Variants in SLC4A4 observed in about 807,000 individuals in gnomAD.
SLC4A4 encodes the protein solute carrier family 4 member 4.
SLC4A4 carries 27 observed loss-of-function variants against 111.5 expected under a neutral mutation model. The observed-to-expected ratio is 0.24, with a 90% confidence interval of 0.18 to 0.33. The LOEUF (loss-of-function observed/expected upper bound fraction) is 0.33, where lower values mean the gene tolerates loss of function less well. Among genes scored for constraint, SLC4A4 ranks in the 10% least tolerant of loss-of-function variants. SLC4A4 has a pLI of 1.00. For missense variants in SLC4A4, 909 were observed against 1,315.5 expected (o/e 0.69, Z 4.78); for synonymous variants, 443 against 463.4 (o/e 0.96, Z 0.57).
intron 16 of SLC4A4, among the ~76,000 whole-genome samples, chr4:71,507,577 A>C (rs946728211): frequency 1.3e-5 from 2 of 152,220 alleles, no homozygotes; most frequent in African/African-American, 4.8e-5. Context: ...ATAAGGGAGC[A>C]CCAAGATTTA....
At chr4:71,288,901 TG>T (rs943491624) in intron 3 of SLC4A4, among the ~76,000 whole-genome samples, 1 of 152,228 alleles carries the variant, frequency 6.6e-6, no homozygotes, top group African/African-American at 2.4e-5. Flanking sequence ...TTCTTTTTTT[TG>T]TATGATTGGA....
chr4:71,229,380 G>A (rs944628884), intron 1 of SLC4A4, among the ~76,000 whole-genome samples: 1 of 152,168 alleles, frequency 6.6e-6, no homozygotes, highest in Non-Finnish European at 1.5e-5. Context: ...ACAGGTTTTT[G>A]GGTGAACGTA....
At chr4:71,514,637 T>C (rs1732217568) in intron 16 of SLC4A4, among the ~76,000 whole-genome samples, 1 of 152,224 alleles carries the variant, frequency 6.6e-6, no homozygotes, top group Admixed American at 6.5e-5. Context: ...ATTTTCGTTA[T>C]TGGGAGACAT....
At chr4:71,223,321 A>G (rs1718859656) in intron 1 of SLC4A4, among the ~76,000 whole-genome samples, 1 of 151,480 alleles carries the variant, frequency 6.6e-6, no homozygotes, top group African/African-American at 2.4e-5. Flanking sequence ...GACTACAGGC[A>G]CCCACCCCCG....
intron 16 of SLC4A4, among the ~76,000 whole-genome samples, chr4:71,527,286 A>G (rs1391821355): frequency 6.6e-6 from 1 of 152,080 alleles, no homozygotes; most frequent in Admixed American, 6.6e-5. Flanking sequence ...TGGCTTAAAC[A>G]GGGTGGTACT....
chr4:71,357,779 A>G (rs1730418675), intron 6 of SLC4A4, among the ~76,000 whole-genome samples: 1 of 151,596 alleles, frequency 6.6e-6, no homozygotes, highest in Admixed American at 6.6e-5. Flanking sequence ...CCATTATTTA[A>G]CAATAAGTAA....
rs1172929207 is a variant in SLC4A4 at position 71,106,376 on chromosome 4, G to T, written c.-2+13584G>T. On this transcript the variant is annotated intron_variant, in intron 2 of 26. Coordinates refer to the SLC4A4 transcript ENST00000649996. ...GGAAGTCAGTGTGGCGACTCCTCAG[G>T]GATCTAGAACTAGAAATACCATTTG... 9.3e-5 allele frequency among the ~76,000 whole-genome samples: 14 copies of T among 151,034 alleles called. No homozygotes were observed. In the East Asian group the frequency reaches 2.4e-3, roughly 26 times the overall value.
At chr4:71,433,777 A>T (rs1161478577) in intron 7 of SLC4A4, among the ~76,000 whole-genome samples, 1 of 152,104 alleles carries the variant, frequency 6.6e-6, no homozygotes, top group Non-Finnish European at 1.5e-5. Flanking sequence ...AACAATCTCA[A>T]ATATTGAGGT....
intron 3 of SLC4A4, among the ~76,000 whole-genome samples, chr4:71,338,722 T>C (rs1180399538): frequency 3.3e-5 from 5 of 151,600 alleles, no homozygotes; most frequent in Non-Finnish European, 5.9e-5. Context: ...TTTTTTTCTC[T>C]CTCCCTCAAG....
rs10470730 is a variant in SLC4A4 at position 71,309,128 on chromosome 4, A to G, written c.254-30242A>G. 4.3e-3 allele frequency among the ~76,000 whole-genome samples: 648 copies of G among 152,318 alleles called. 5 individuals are homozygous for G. Among genetic ancestry groups the G allele is most frequent in the Middle Eastern group, 0.017 (5 of 294 alleles). On this transcript the variant is annotated intron_variant, in intron 3 of 25. Coordinates refer to ENST00000264485, the MANE Select transcript of SLC4A4 (RefSeq NM_001098484.3). ...GACTGGACGTAACTCAACACAGCAC[A>G]GCAAAGTGGCTGTGGCTAGACTGCC... is the stretch of plus-strand genomic sequence containing the variant.
rs539941519 is a variant in SLC4A4, at chr4:71,098,500, G to A, written c.-2+5708G>A. 7.2e-5 allele frequency among the ~76,000 whole-genome samples: 11 copies of A among 152,208 alleles called. No homozygotes were observed. In the East Asian group the frequency reaches 2.1e-3, roughly 29 times the overall value. ...GTTCTTTTTGCTTAGGATTGCCTTG[G>A]CTATTCAGATTCTTTTTTGGTTTCA... On this transcript the variant is annotated intron_variant, in intron 2 of 26. Coordinates refer to the SLC4A4 transcript ENST00000649996.
intron 7 of SLC4A4, among the ~76,000 whole-genome samples, chr4:71,423,915 C>G (rs1722814156): frequency 6.6e-6 from 1 of 152,136 alleles, no homozygotes; most frequent in Non-Finnish European, 1.5e-5. Context: ...CATTACCATT[C>G]AGGACATAGG....
intron 1 of SLC4A4, among the ~76,000 whole-genome samples, chr4:71,064,513 G>A (rs1211709187): frequency 6.6e-6 from 1 of 152,224 alleles, no homozygotes; most frequent in Non-Finnish European, 1.5e-5. Flanking sequence ...GATGTTAAAA[G>A]TAGAGGAGAG....
chr4:71,508,575 T>C (rs1366222307), intron 16 of SLC4A4, among the ~76,000 whole-genome samples: 1 of 152,126 alleles, frequency 6.6e-6, no homozygotes, highest in Non-Finnish European at 1.5e-5. Flanking sequence ...GTTGAATCCC[T>C]GAATAGACCA....
rs148155474 is a variant in SLC4A4, at chr4:71,167,110, G to A, written c.-1-69466G>A. Among the ~76,000 whole-genome samples, 464 of 152,238 alleles carry A rather than the reference G, an allele frequency of 3.0e-3. 1 individual carries two copies. Among genetic ancestry groups the A allele is most frequent in the African/African-American group, 8.6e-3 (358 of 41,524 alleles). On this transcript the variant is annotated intron_variant, in intron 2 of 26. Transcript: ENST00000649996. Reference sequence around the variant, plus strand: ...TAGGATTCCAGCTGAAGAGATTTGAGGGCTGGAGTGATTTGATGGCAGGGA... The same window carrying A: ...TAGGATTCCAGCTGAAGAGATTTGAAGGCTGGAGTGATTTGATGGCAGGGA...
intron 6 of SLC4A4, among the ~76,000 whole-genome samples, chr4:71,393,049 A>G (rs1270403826): frequency 6.6e-6 from 1 of 152,114 alleles, no homozygotes; most frequent in Non-Finnish European, 1.5e-5. Context: ...TGACAAACCC[A>G]CAGCCAACAT....
At chr4:71,369,710 T>G (rs1334829030) in intron 6 of SLC4A4, among the ~76,000 whole-genome samples, 1 of 152,162 alleles carries the variant, frequency 6.6e-6, no homozygotes, top group Non-Finnish European at 1.5e-5. Flanking sequence ...GTGACAAGAT[T>G]TATGTACCTA....
chr4:71,436,972 T>TAA, intron 7 of SLC4A4: 16 of 338,074 alleles, frequency 4.7e-5, no homozygotes, highest in East Asian at 4.0e-4. Context: ...TGTTTTCTAT[T>TAA]AAAAAAAAAG....
chr4:71,142,052 C>T (rs1744011978), intron 2 of SLC4A4, among the ~76,000 whole-genome samples: 1 of 152,138 alleles, frequency 6.6e-6, no homozygotes, highest in Non-Finnish European at 1.5e-5. Flanking sequence ...TGATCTCAAA[C>T]TTTTTGTGTA....
Sources: gnomAD v4.1 joint callset for allele counts (sites outside exome capture counted in the v4.1 genomes callset) on GRCh38, gnomAD v4.1.1 for gene constraint, MANE v1.5 for transcripts, NCBI Gene and HGNC (gene_info 2026-07-23, HGNC 2026-07-21) for gene names.